The following RNGTT variants were observed in gnomAD, a reference collection of about 807,000 sequenced individuals.
The protein encoded by RNGTT is mRNA-capping enzyme.
In RNGTT, 33 loss-of-function variants were observed where a neutral mutation model predicts 79.3. The observed-to-expected ratio is 0.42, with a 90% CI of 0.32 to 0.56. RNGTT has a LOEUF of 0.56. RNGTT is among the 20% of genes least tolerant of loss of function. The pLI, the probability that RNGTT is intolerant of heterozygous loss-of-function variation, is 0.17. For missense variants in RNGTT, 497 were observed against 739.1 expected, an observed-to-expected ratio of 0.67 and a Z score of 3.80; for synonymous variants, 222 against 235.9, an observed-to-expected ratio of 0.94 and a Z score of 0.54.
rs894451765 is a variant in RNGTT, at chr6:88,644,650, C to T, written c.1507-30255G>A. On this transcript the variant is annotated intron_variant, in intron 14 of 15. Transcript: ENST00000369485. Reference sequence around the variant, plus strand: ...CCAGCAGCACATCAAAAAGCTTATCCATCATGATCAAGTGGGCTTCATCCC... The same window carrying T: ...CCAGCAGCACATCAAAAAGCTTATCTATCATGATCAAGTGGGCTTCATCCC... Among the ~76,000 whole-genome samples, 261 of 152,256 alleles carry T rather than the reference C, an allele frequency of 1.7e-3. 1 individual carries two copies. The highest frequency in any genetic ancestry group is 2.2e-3 in the Non-Finnish European group (152 of 68,012).
At chr6:88,716,868 A>C (rs1219753475) in intron 13 of RNGTT, among the ~76,000 whole-genome samples, 1 of 152,156 alleles carries the variant, frequency 6.6e-6, no homozygotes, top group East Asian at 1.9e-4. Context: ...CCTAATGTTA[A>C]ATGACGAGTT....
intron 12 of RNGTT, among the ~76,000 whole-genome samples, chr6:88,798,293 C>T (rs1300544140): frequency 6.6e-6 from 1 of 151,796 alleles, no homozygotes; most frequent in Non-Finnish European, 1.5e-5. Context: ...GGCAAAACCC[C>T]GTATCTACGA....
intron 1 of RNGTT, among the ~76,000 whole-genome samples, chr6:88,958,259 A>G (rs1004674054): frequency 6.6e-6 from 1 of 152,362 alleles, no homozygotes; most frequent in South Asian, 2.1e-4. Flanking sequence ...ATCTGAAACC[A>G]TAAAAATTCT....
chr6:88,655,061 G>A (rs1015187909), intron 14 of RNGTT, among the ~76,000 whole-genome samples: 3 of 152,070 alleles, frequency 2.0e-5, no homozygotes, highest in African/African-American at 4.8e-5. Flanking sequence ...AAATATGAAC[G>A]TTAGTTTCTT....
intron 12 of RNGTT, among the ~76,000 whole-genome samples, chr6:88,797,029 A>C (rs907132053): frequency 6.6e-6 from 1 of 152,168 alleles, no homozygotes; most frequent in Non-Finnish European, 1.5e-5. Context: ...AAACACATTA[A>C]TTTTCTCCAA....
chr6:88,707,240 C>T (rs1357707368), intron 13 of RNGTT, among the ~76,000 whole-genome samples: 3 of 151,858 alleles, frequency 2.0e-5, no homozygotes, highest in Non-Finnish European at 4.4e-5. Flanking sequence ...TTCTGACCCT[C>T]TAGAAACAAG....
intron 13 of RNGTT, among the ~76,000 whole-genome samples, chr6:88,739,911 T>G (rs1777426886): frequency 6.6e-6 from 1 of 151,674 alleles, no homozygotes; most frequent in Non-Finnish European, 1.5e-5. Context: ...AATAGCAGAA[T>G]TAATTTTTTA....
At position 88,914,083 on chromosome 6, in the gene RNGTT, G is replaced by A. The variant is rs907496076; in HGVS notation, c.368-7643C>T. Among the ~76,000 whole-genome samples the A allele has an allele frequency of 4.6e-5, 7 of 152,260 alleles. No homozygotes were observed. In the South Asian group the frequency reaches 6.2e-4, roughly 14 times the overall value. ...CCTAGGAATACACCCAACCAAGGAG[G>A]TGAAAGATCTGTACTAGGAGAACTA... is the stretch of plus-strand genomic sequence containing the variant. On this transcript the variant is annotated intron_variant, in intron 4 of 15. Transcript: ENST00000369485.
At chr6:88,702,476 A>G (rs1775980357) in intron 13 of RNGTT, among the ~76,000 whole-genome samples, 1 of 152,194 alleles carries the variant, frequency 6.6e-6, no homozygotes, top group Non-Finnish European at 1.5e-5. Context: ...TCCCTATTCA[A>G]TATATTGTCC....
chr6:88,792,731 T>G (rs1336012237), intron 12 of RNGTT, among the ~76,000 whole-genome samples: 1 of 152,158 alleles, frequency 6.6e-6, no homozygotes, highest in Non-Finnish European at 1.5e-5. Context: ...GATGGTGGCC[T>G]AAACTGAGGA....
intron 1 of RNGTT, among the ~76,000 whole-genome samples, chr6:88,955,494 G>A (rs532392339): frequency 6.7e-6 from 1 of 148,278 alleles, no homozygotes; most frequent in Non-Finnish European, 1.5e-5. Flanking sequence ...AGGTTGCAGT[G>A]AGCCAAGATC....
At chr6:88,628,849 A>G (rs1469871822) in intron 14 of RNGTT, among the ~76,000 whole-genome samples, 1 of 152,222 alleles carries the variant, frequency 6.6e-6, no homozygotes, top group Non-Finnish European at 1.5e-5. Context: ...CTCCAAATCA[A>G]GAAATGACTA....
At chr6:88,748,374 G>C (rs1315818471) in intron 13 of RNGTT, among the ~76,000 whole-genome samples, 4 of 151,904 alleles carry the variant, frequency 2.6e-5, no homozygotes, top group Non-Finnish European at 5.9e-5. Flanking sequence ...AGGATCTTTT[G>C]CTCCAGCTAT....
At chr6:88,751,510 T>C (rs1234353453) in intron 13 of RNGTT, among the ~76,000 whole-genome samples, 1 of 152,120 alleles carries the variant, frequency 6.6e-6, no homozygotes, top group African/African-American at 2.4e-5. Flanking sequence ...CAGTGTACTG[T>C]TCAAAAGGCC....
chr6:88,619,981 G>A lies in RNGTT; in HGVS notation c.1507-5586C>T, dbSNP rs183360670. Among the ~76,000 whole-genome samples, 229 of 152,274 alleles carry A rather than the reference G, an allele frequency of 1.5e-3. 2 individuals are homozygous for A. The highest frequency in any genetic ancestry group is 5.3e-3 in the African/African-American group (219 of 41,536). On this transcript the variant is annotated intron_variant, in intron 14 of 15. Transcript: ENST00000369485. ...TACTACCTTATAGCAGGGCCATGACGTATTATTACTTTAAGAAAGTGTGTC... is the reference window on the plus strand; with the variant it reads ...TACTACCTTATAGCAGGGCCATGACATATTATTACTTTAAGAAAGTGTGTC...
At chr6:88,955,293 G>A (rs981035461) in intron 1 of RNGTT, among the ~76,000 whole-genome samples, 3 of 152,074 alleles carry the variant, frequency 2.0e-5, no homozygotes, top group African/African-American at 7.2e-5. Flanking sequence ...GCTCATGCCT[G>A]CAATCCTAGC....
intron 13 of RNGTT, among the ~76,000 whole-genome samples, chr6:88,733,770 G>A (rs72923575): frequency 0.013 from 1,964 of 151,238 alleles, 17 homozygotes; most frequent in Middle Eastern, 0.028. Context: ...AGACTTCTCA[G>A]AAATCATGCA....
At chr6:88,938,913 C>T (rs1324680332) in intron 2 of RNGTT, among the ~76,000 whole-genome samples, 6 of 152,114 alleles carry the variant, frequency 3.9e-5, no homozygotes, top group South Asian at 2.1e-4. Flanking sequence ...GGGTGGTAGG[C>T]GTTTTCTTTC....
Position 88,662,561 on chromosome 6 carries a change from G to A in RNGTT, c.1506+15792C>T, listed in dbSNP as rs78486475. 4.2e-3 allele frequency among the ~76,000 whole-genome samples: 646 copies of A among 152,306 alleles called. 5 individuals carry two copies. The highest frequency in any genetic ancestry group is 0.015 in the African/African-American group (625 of 41,542). On this transcript the variant is annotated intron_variant, in intron 14 of 15. Transcript: ENST00000369485. ...CTCTTCCTTCATAAAACCAGTGTCC[G>A]AGAGGTTTTGTCTGCAACCATTCCT...
Sources: allele counts gnomAD v4.1 joint callset (sites outside exome capture counted in the v4.1 genomes callset), GRCh38; gene constraint gnomAD v4.1.1; transcripts MANE v1.5; gene names NCBI Gene and HGNC (gene_info 2026-07-23, HGNC 2026-07-21).